The following USP32 variants were observed in gnomAD, a reference collection of about 807,000 sequenced individuals.
The protein encoded by USP32 is ubiquitin carboxyl-terminal hydrolase 32.
USP32 carries 59 observed loss-of-function variants against 204.8 expected under a neutral mutation model. That is an observed-to-expected ratio of 0.29 (90% CI 0.23 to 0.36). USP32 has a LOEUF of 0.36. USP32 is among the 10% of genes least tolerant of loss of function. USP32 has a pLI of 1.00. For synonymous variants in USP32, 517 were observed against 678.4 expected (o/e 0.76, Z 3.70); for missense variants, 1,160 against 1,946.4 (o/e 0.60, Z 7.60).
At chr17:60,245,904 T>C (rs1012818965) in intron 11 of USP32, among the ~76,000 whole-genome samples, 3 of 151,394 alleles carry the variant, frequency 2.0e-5, no homozygotes, top group Non-Finnish European at 4.4e-5. Flanking sequence ...AAAAATTATA[T>C]ATAATAATAG....
In USP32 at chr17:60,256,887, A is replaced by G. The variant is rs1050998221; in HGVS notation, c.991-1629T>C. 6.1e-6 allele frequency: 3 copies of G among 493,046 alleles called. No individual in the cohort carries two copies. In the Admixed American group the frequency reaches 8.9e-5, roughly 15 times the overall value. 30.5% of individuals were successfully genotyped at this position (493,046 alleles called of 1,614,324 possible). A position where few individuals can be genotyped will look rare whatever the true frequency, so the allele number is the denominator to read the frequency against. Reference sequence around the variant, plus strand: ...CTCACAGATTTCTATTCTCCAGAGTATCCAGGTCCTTCCCATAGAATAAAA... The same window carrying G: ...CTCACAGATTTCTATTCTCCAGAGTGTCCAGGTCCTTCCCATAGAATAAAA... On this transcript the variant is annotated intron_variant, in intron 9 of 33. Transcript: ENST00000300896.
chr17:60,380,182 GTACAA>G (rs2089622257), intron 1 of USP32, among the ~76,000 whole-genome samples: 3 of 152,124 alleles, frequency 2.0e-5, no homozygotes, highest in Admixed American at 1.3e-4. Flanking sequence ...CCAACACATT[GTACAA>G]TACAAAATTA....
chr17:60,356,374 T>C (rs1372420660), intron 1 of USP32, among the ~76,000 whole-genome samples: 5 of 152,282 alleles, frequency 3.3e-5, no homozygotes, highest in Middle Eastern at 3.4e-3. Context: ...GCTGTGCATG[T>C]GCCCCAAAAT....
intron 16 of USP32, among the ~76,000 whole-genome samples, chr17:60,217,034 A>G (rs2085121162): frequency 6.6e-6 from 1 of 152,220 alleles, no homozygotes; most frequent in South Asian, 2.1e-4. Context: ...ATGCAGTTCT[A>G]GGATTCAGAA....
chr17:60,363,071 CAT>C (rs374970137), intron 1 of USP32, among the ~76,000 whole-genome samples: 15 of 152,180 alleles, frequency 9.9e-5, no homozygotes, highest in African/African-American at 3.4e-4. Flanking sequence ...GGGAAGATCA[CAT>C]GAGACCAAGA....
chr17:60,409,526 C>T (rs1456085534), intron 1 of USP32, among the ~76,000 whole-genome samples: 1 of 152,176 alleles, frequency 6.6e-6, no homozygotes, highest in African/African-American at 2.4e-5. Flanking sequence ...CATTAGTTTT[C>T]TATTGCAGTA....
chr17:60,187,020 C>T (rs1288756700), intron 29 of USP32, among the ~76,000 whole-genome samples: 5 of 152,302 alleles, frequency 3.3e-5, no homozygotes, highest in Non-Finnish European at 7.4e-5. Context: ...CTGTGGCAAA[C>T]GTCACATATG....
chr17:60,312,892 G>A (rs1246629970), intron 2 of USP32, among the ~76,000 whole-genome samples: 2 of 152,118 alleles, frequency 1.3e-5, no homozygotes, highest in Non-Finnish European at 2.9e-5. Context: ...AATACATTAA[G>A]TACTCATTTG....
At chr17:60,246,416 T>A (rs868225211) in intron 11 of USP32, among the ~76,000 whole-genome samples, 3,248 of 147,808 alleles carry the variant, frequency 0.022, 47 homozygotes, top group African/African-American at 0.04. Flanking sequence ...TATATATATT[T>A]TTTTTTTTTC....
At chr17:60,181,272 A>G in intron 32 of USP32, 52 bp downstream of exon 32, 1 of 1,557,480 alleles carries the variant, frequency 6.4e-7, no homozygotes, top group Non-Finnish European at 8.7e-7. Context: ...ACATGAAGAC[A>G]AGTGAACAAA....
chr17:60,414,303 C>T (rs1026396309), intron 1 of USP32, among the ~76,000 whole-genome samples: 25 of 149,240 alleles, frequency 1.7e-4, no homozygotes, highest in Admixed American at 1.4e-3. Context: ...GCAGAGGTTG[C>T]AGTGAGCTGA....
chr17:60,329,234 T>G (rs186362604), intron 2 of USP32, among the ~76,000 whole-genome samples: 2 of 152,058 alleles, frequency 1.3e-5, no homozygotes, highest in Non-Finnish European at 2.9e-5. Flanking sequence ...TTGCTCCATC[T>G]TCTTGGTATA....
At chr17:60,400,369 G>A (rs1195582307) in intron 1 of USP32, among the ~76,000 whole-genome samples, 1 of 152,162 alleles carries the variant, frequency 6.6e-6, no homozygotes, top group Non-Finnish European at 1.5e-5. Flanking sequence ...ATTAGGGGGC[G>A]ACTGCATTAA....
intron 11 of USP32, among the ~76,000 whole-genome samples, chr17:60,237,589 TACCC>T (rs1178882936): frequency 6.6e-6 from 1 of 152,170 alleles, no homozygotes; most frequent in African/African-American, 2.4e-5. Context: ...TATTCCCCAT[TACCC>T]ACTTCGCCCA....
upstream of USP32, among the ~76,000 whole-genome samples, chr17:60,392,979 A>C (rs2089866523): frequency 6.6e-6 from 1 of 152,188 alleles, no homozygotes; most frequent in South Asian, 2.1e-4. Context: ...TATACGTAAC[A>C]AAATGTACCA....
At chr17:60,265,543 T>A in intron 8 of USP32, 69 bp from the exon 9 acceptor site, 1 of 1,023,128 alleles carries the variant, frequency 9.8e-7, no homozygotes, top group Non-Finnish European at 1.5e-6. Flanking sequence ...ATTCAATGGC[T>A]AAAGTATATT....
At chr17:60,252,899 T>C (rs1449522806) in intron 10 of USP32, among the ~76,000 whole-genome samples, 1 of 152,188 alleles carries the variant, frequency 6.6e-6, no homozygotes, top group African/African-American at 2.4e-5. Context: ...AAAAACAATT[T>C]AGCATAACTG....
intron 11 of USP32, among the ~76,000 whole-genome samples, chr17:60,245,883 T>C (rs1490961647): frequency 6.6e-6 from 1 of 151,458 alleles, no homozygotes; most frequent in African/African-American, 2.4e-5. Context: ...GCTTTAAAAA[T>C]ATTTCTATTA....
rs139782998 is a variant in USP32, at chr17:60,247,856, T to C, written c.1136+4525A>G. 1.3e-3 allele frequency among the ~76,000 whole-genome samples: 197 copies of C among 152,260 alleles called. 1 individual carries two copies. Among genetic ancestry groups the C allele is most frequent in the Non-Finnish European group, 2.3e-3 (157 of 68,020 alleles). Reference sequence around the variant, plus strand: ...GTGCTATCACACCTGGATAATTGTTTTGTATTTTTAGTAGAGACGGGGTTT... The same window carrying C: ...GTGCTATCACACCTGGATAATTGTTCTGTATTTTTAGTAGAGACGGGGTTT... On this transcript the variant is annotated intron_variant, in intron 11 of 33. Transcript: ENST00000300896.
Sources: allele counts gnomAD v4.1 joint callset (sites outside exome capture counted in the v4.1 genomes callset), GRCh38; gene constraint gnomAD v4.1.1; transcripts MANE v1.5; gene names NCBI Gene and HGNC (gene_info 2026-07-23, HGNC 2026-07-21).